Variants in SLC5A9 observed in about 807,000 individuals in gnomAD.
The protein encoded by SLC5A9 is solute carrier family 5 member 9.
In SLC5A9, 59 loss-of-function variants were observed where a neutral mutation model predicts 70.9. The ratio of observed to expected loss-of-function variants is 0.83; its 90% CI spans 0.68 to 1.03. SLC5A9 has a LOEUF of 1.03. Among genes scored for constraint, SLC5A9 ranks in the 50% least tolerant of loss-of-function variants. SLC5A9 has a pLI of 0.00. For missense variants in SLC5A9, 832 were observed against 881.1 expected (o/e 0.94, Z 0.71); for synonymous variants, 340 against 346.5 (o/e 0.98, Z 0.21).
In SLC5A9 at chr1:48,230,596, G is replaced by A; in HGVS notation, c.505-4G>A. ...CTGGCCTCTTGGGTCCTGGCTCTCT[G>A]CAGACTGACATCTTCTCTGGAGCCC... is the stretch of plus-strand genomic sequence containing the variant. On this transcript the variant is annotated splice_region_variant and splice_polypyrimidine_tract_variant and intron_variant, in intron 4 of 13. Coordinates refer to ENST00000438567, the MANE Select transcript of SLC5A9 (RefSeq NM_001011547.3). 6.2e-7 allele frequency: 1 copy of A among 1,613,002 alleles called. No individual in the cohort carries two copies. The highest frequency in any genetic ancestry group is 8.5e-7 in the Non-Finnish European group (1 of 1,179,120).
rs760978925 is a variant in SLC5A9, at chr1:48,231,971, A to C, written c.717A>C (p.Pro239=). 6 of 1,613,986 alleles carry C rather than the reference A, an allele frequency of 3.7e-6. No individual in the cohort carries two copies. In the Admixed American group the frequency reaches 8.3e-5, roughly 22 times the overall value. Residue 239 remains proline (P), a synonymous_variant, in exon 7 of 14, where the codon CCA becomes CCC. Coordinates refer to ENST00000438567, the MANE Select transcript of SLC5A9 (RefSeq NM_001011547.3). ...GCTTTCAGGACGTGGGCTGGTACCC[A>C]GGCCTGGAGCAGCGGTACAGGCAGG... The part of the protein sequence containing the change: ...FLGFQDVGWY[P]GLEQRYRQAI...
In SLC5A9 at chr1:48,239,625, G is replaced by A; in HGVS notation, c.1677+88G>A. 1 of 1,290,706 alleles carries A rather than the reference G, an allele frequency of 7.7e-7. No individual in the cohort carries two copies. The highest frequency in any genetic ancestry group is 1.1e-6 in the Non-Finnish European group (1 of 897,884). 80.0% of individuals were successfully genotyped at this position (1,290,706 alleles called of 1,614,324 possible). On this transcript the variant is annotated intron_variant, in intron 12 of 13. Coordinates refer to ENST00000438567, the MANE Select transcript of SLC5A9 (RefSeq NM_001011547.3). This position sits in a 1 kb window ranked among gnomAD's most constrained non-coding sequence, Gnocchi z 4.2. ...TTCCACTGCTGACTTTTACTCTGTT[G>A]GGTTATGGTCTCCCCTGTGGCCACA...
intron 10 of SLC5A9, among the ~76,000 whole-genome samples, chr1:48,237,319 G>A (rs1449466023): frequency 8.1e-6 from 1 of 122,832 alleles, no homozygotes; most frequent in East Asian, 2.6e-4. Context: ...GGATGGAAAA[G>A]AGAAGACATT....
chr1:48,235,712 G>A lies in SLC5A9; in HGVS notation c.1142-17G>A, dbSNP rs1175131578. The stretch of plus-strand genomic sequence containing the variant: ...CTTAATGGGCCAGCCGTTCACATGA[G>A]CCTCGTCTCTCCCCAGGTCTGCGGG... On this transcript the variant is annotated splice_polypyrimidine_tract_variant and intron_variant, in intron 9 of 13. Coordinates refer to ENST00000438567, the MANE Select transcript of SLC5A9 (RefSeq NM_001011547.3). The A allele has an allele frequency of 7.4e-6, 12 of 1,613,922 alleles. No homozygotes were observed. The African/African-American group carries it at 8.0e-5, about 11-fold the overall frequency.
rs1452580563 is a variant in SLC5A9, at chr1:48,229,375, T to C, written c.420T>C (p.Tyr140=). The C allele has an allele frequency of 6.2e-7, 1 of 1,614,140 alleles. No homozygotes were observed. Among genetic ancestry groups the C allele is most frequent in the Admixed American group, 1.7e-5 (1 of 60,024 alleles). ...CAGGTGTGGTCACAATGCCGCAGTATCTGAAGAAGCGATTTGGGGGCCAGA... is the reference window on the plus strand; with the variant it reads ...CAGGTGTGGTCACAATGCCGCAGTACCTGAAGAAGCGATTTGGGGGCCAGA... ...IAAGVVTMPQ[Y]LKKRFGGQRI... is the part of the protein sequence containing the mutation. The change falls in exon 4 of 14, where the codon TAT becomes TAC. Residue 140 remains tyrosine, a synonymous_variant. Transcript: ENST00000438567.
At chr1:48,243,160 A>G (rs371924432) in intron 13 of SLC5A9, among the ~76,000 whole-genome samples, 260 of 151,962 alleles carry the variant, frequency 1.7e-3, no homozygotes, top group Non-Finnish European at 2.9e-3. Context: ...CCCCTTACCC[A>G]TGTCCCCCCC....
intron 9 of SLC5A9, 77 bp downstream of exon 9, chr1:48,233,839 C>T (rs1644291770): frequency 1.9e-6 from 2 of 1,033,666 alleles, no homozygotes; most frequent in Admixed American, 3.8e-5. Context: ...GGAGGGAAGG[C>T]ACTAACATGG....
chr1:48,232,612 G>C, intron 8 of SLC5A9, 110 bp downstream of exon 8: 1 of 1,433,076 alleles, frequency 7.0e-7, no homozygotes, highest in Admixed American at 1.9e-5. Flanking sequence ...GGGTTGGCAA[G>C]GTTTGTCTAT....
chr1:48,245,613 C>T (rs558374383), intron 13 of SLC5A9, among the ~76,000 whole-genome samples: 2 of 152,258 alleles, frequency 1.3e-5, no homozygotes, highest in South Asian at 4.1e-4. Flanking sequence ...ACCCCCTCTC[C>T]AAAGGCCTGC....
intron 2 of SLC5A9, 104 bp from the exon 3 acceptor site, chr1:48,228,746 G>A (rs1644200280): frequency 3.9e-6 from 6 of 1,548,450 alleles, no homozygotes; most frequent in Non-Finnish European, 5.2e-6. Flanking sequence ...CTGGCATACA[G>A]TGGGTACCCA....
intron 3 of SLC5A9, 69 bp downstream of exon 3, chr1:48,229,023 C>G (rs1644205959): frequency 2.5e-6 from 4 of 1,613,564 alleles, no homozygotes; most frequent in Non-Finnish European, 2.5e-6. Context: ...GGCATTAGTG[C>G]TGGGAGGATC....
chr1:48,228,801 A>C (rs1644201089), intron 2 of SLC5A9, 49 bp from the exon 3 acceptor site: 1 of 1,604,648 alleles, frequency 6.2e-7, no homozygotes, highest in Non-Finnish European at 8.5e-7. Context: ...CTCCAGATTC[A>C]TTCAGATCAC....
At chr1:48,241,736 CTCTT>C (rs1644393334) in intron 12 of SLC5A9, among the ~76,000 whole-genome samples, 1 of 152,036 alleles carries the variant, frequency 6.6e-6, no homozygotes, top group Non-Finnish European at 1.5e-5. Context: ...CTTTCTCTAT[CTCTT>C]TCTCTCTATC....
chr1:48,242,726 C>A lies in SLC5A9; in HGVS notation c.1837+110C>A, dbSNP rs530257070. On this transcript the variant is annotated intron_variant, in intron 13 of 13. Coordinates refer to ENST00000438567, the MANE Select transcript of SLC5A9 (RefSeq NM_001011547.3). ...CTCTGAGGGAGCCCAATAAATATCA[C>A]CCTAACTCCTTTCCCACGTGGCTAC... is the stretch of plus-strand genomic sequence containing the variant. 25 of 1,056,102 alleles carry A rather than the reference C, an allele frequency of 2.4e-5. No individual in the cohort carries two copies. The South Asian group carries it at 4.4e-4, about 19-fold the overall frequency. The allele number at this position is 1,056,102 out of a possible 1,614,324, so 65.4% of individuals were successfully genotyped here.
intron 2 of SLC5A9, 97 bp downstream of exon 2, chr1:48,224,892 C>A (rs1205786577): frequency 1.6e-5 from 19 of 1,205,768 alleles, no homozygotes; most frequent in Non-Finnish European, 2.2e-5. Flanking sequence ...ACACCTGGAC[C>A]AAGGCAAAGA....
intron 2 of SLC5A9, chr1:48,227,860 T>C (rs1345237243): frequency 6.6e-6 from 1 of 152,242 alleles, no homozygotes; most frequent in Non-Finnish European, 1.5e-5. Context: ...AGTCCCACAT[T>C]GTATAGGTGA....
chr1:48,238,332 T>C lies in SLC5A9; in HGVS notation c.1461+485T>C, dbSNP rs151277845. Reference sequence around the variant, plus strand: ...CTAGGGTCTGTTCCATGTCTAACAATATAAGGTTCTATGTGTAAGCAAAAT... The same window carrying C: ...CTAGGGTCTGTTCCATGTCTAACAACATAAGGTTCTATGTGTAAGCAAAAT... On this transcript the variant is annotated intron_variant, in intron 11 of 13. Coordinates refer to ENST00000438567, the MANE Select transcript of SLC5A9 (RefSeq NM_001011547.3). 103 of 153,886 alleles carry C rather than the reference T, an allele frequency of 6.7e-4. 1 individual carries two copies. The highest frequency in any genetic ancestry group is 4.3e-3 in the South Asian group (21 of 4,914). The allele number at this position is 153,886 out of a possible 1,614,324, so 9.5% of individuals were successfully genotyped here. A position where few individuals can be genotyped will look rare whatever the true frequency, so the allele number is the denominator to read the frequency against.
Position 48,247,633 on chromosome 1 carries a change from A to G in SLC5A9, c.*90A>G, listed in dbSNP as rs1644474879. 2 of 1,334,984 alleles carry G rather than the reference A, an allele frequency of 1.5e-6. No individual in the cohort carries two copies. Among genetic ancestry groups the G allele is most frequent in the Middle Eastern group, 1.8e-4 (1 of 5,460 alleles). The allele number at this position is 1,334,984 out of a possible 1,614,324, so 82.7% of individuals were successfully genotyped here. On this transcript the variant is annotated 3_prime_UTR_variant, in exon 14 of 14. Transcript: ENST00000438567. ...AGGCTCTCCTCTTACTTTGCTGTCT[A>G]AACTGGAGATCACAGAAGTCAAGAC...
In SLC5A9 at chr1:48,242,489, C is replaced by G; in HGVS notation, c.1710C>G (p.Cys570Trp). 1 of 1,612,284 alleles carries G rather than the reference C, an allele frequency of 6.2e-7. No homozygotes were observed. The highest frequency in any genetic ancestry group is 8.5e-7 in the Non-Finnish European group (1 of 1,178,794). ...GCCTCACATGGTGGACTCGGAACTG[C>G]CCCCTCTCTGAGCTGGAGAAGGAGG... is the stretch of plus-strand genomic sequence containing the variant. Reference protein sequence around the residue: ...LTRLTWWTRNCPLSELEKEAH... With the variant: ...LTRLTWWTRNWPLSELEKEAH... Residue 570 changes from cysteine (C) to tryptophan (W), a missense_variant, in exon 13 of 14, where the codon TGC becomes TGG. Physicochemically the swap from Cys to Trp is radical, Grantham distance 215 (BLOSUM62 -2). Transcript: ENST00000438567.
Sources: allele counts gnomAD v4.1 joint callset (sites outside exome capture counted in the v4.1 genomes callset), GRCh38; gene constraint gnomAD v4.1.1; non-coding constraint Gnocchi (gnomAD v3.1); transcripts MANE v1.5; gene names NCBI Gene and HGNC (gene_info 2026-07-23, HGNC 2026-07-21).